The following PCNX1 variants were observed in gnomAD, a reference collection of about 807,000 sequenced individuals.
PCNX1 encodes pecanex 1.
Under a neutral mutation model 242.2 loss-of-function variants are expected in PCNX1, and 78 were observed. That is an observed-to-expected ratio of 0.32 (90% CI 0.27 to 0.39). The LOEUF is 0.39. PCNX1 is among the 10% of genes least tolerant of loss of function. The pLI is 1.00. For missense variants in PCNX1, 2,581 were observed against 2,856.5 expected, an observed-to-expected ratio of 0.90 and a Z score of 2.20; for synonymous variants, 1,024 against 1,032.9, an observed-to-expected ratio of 0.99 and a Z score of 0.17.
At position 71,036,121 on chromosome 14, in the gene PCNX1, T is replaced by C. The variant is rs1054335140; in HGVS notation, c.3831T>C (p.Phe1277=). The C allele has an allele frequency of 9.3e-6, 15 of 1,607,898 alleles. No individual in the cohort carries two copies. The change falls in exon 19 of 36, where the codon TTT becomes TTC. Residue 1277 remains phenylalanine, a synonymous_variant. Transcript: ENST00000304743. ...GCATTGTAATTGGTGTGCTGTATTTTGCTATTCATGTAAGCACAGTCTTCA... is the reference window on the plus strand; with the variant it reads ...GCATTGTAATTGGTGTGCTGTATTTCGCTATTCATGTAAGCACAGTCTTCA... ...VVCIVIGVLY[F]AIHVSTVFTV...
intron 26 of PCNX1, among the ~76,000 whole-genome samples, chr14:71,065,986 A>G (rs1233499754): frequency 4.1e-5 from 6 of 147,574 alleles, no homozygotes; most frequent in African/African-American, 1.5e-4. Context: ...TCTGTTTTGT[A>G]CAAGTACCAT....
intron 13 of PCNX1, among the ~76,000 whole-genome samples, chr14:71,023,522 C>T (rs988304772): frequency 1.3e-5 from 2 of 151,946 alleles, no homozygotes; most frequent in African/African-American, 4.8e-5. Flanking sequence ...CTTATAAACT[C>T]ATGATTATTT....
chr14:70,941,099 A>C (rs1361983242), intron 1 of PCNX1, among the ~76,000 whole-genome samples: 1 of 151,968 alleles, frequency 6.6e-6, no homozygotes. Flanking sequence ...GAAGTTTGTT[A>C]TTACTGATCT....
At chr14:70,955,240 G>A (rs1390118077) in intron 2 of PCNX1, among the ~76,000 whole-genome samples, 1 of 152,162 alleles carries the variant, frequency 6.6e-6, no homozygotes, top group African/African-American at 2.4e-5. Flanking sequence ...TGTTTCTCAT[G>A]GCAGTAATGC....
intron 33 of PCNX1, among the ~76,000 whole-genome samples, chr14:71,106,012 TTTA>T (rs1216115917): frequency 6.6e-6 from 1 of 151,284 alleles, no homozygotes; most frequent in African/African-American, 2.4e-5. Context: ...TTTTATTTTT[TTTA>T]TTATTTTTAA....
rs199923959 is a variant in PCNX1, at chr14:71,057,609, C to G, written c.4737C>G (p.Asn1579Lys). ...ATTTGCTACTAGGACGGTGGGGAAA[C>G]TACAGTACAGGGGACTGTTTCATCC... ...CGDLLLGRWG[N>K]YSTGDCFILA... is the part of the protein sequence containing the mutation. The change falls in exon 26 of 36, where the codon AAC (asparagine) becomes AAG (lysine). Residue 1579 changes from asparagine (N) to lysine (K), a missense_variant. Physicochemically the swap from Asn to Lys is moderately conservative, Grantham distance 94 (BLOSUM62 0). This residue lies in a region of PCNX1 where 54 missense variants were observed against 45.3 expected (regional missense o/e 1.19). Coordinates refer to ENST00000304743, the MANE Select transcript of PCNX1 (RefSeq NM_014982.3). 2 of 1,613,114 alleles carry G rather than the reference C, an allele frequency of 1.2e-6. No individual in the cohort carries two copies. Among genetic ancestry groups the G allele is most frequent in the Non-Finnish European group, 1.7e-6 (2 of 1,179,088 alleles).
intron 2 of PCNX1, among the ~76,000 whole-genome samples, chr14:70,947,689 G>A (rs903472292): frequency 1.3e-5 from 2 of 152,146 alleles, no homozygotes; most frequent in South Asian, 4.1e-4. Context: ...GAGCATGTGT[G>A]TTTGAGCAAT....
intron 28 of PCNX1, among the ~76,000 whole-genome samples, chr14:71,087,036 G>C (rs1288406744): frequency 6.6e-6 from 1 of 151,916 alleles, no homozygotes; most frequent in Non-Finnish European, 1.5e-5. Context: ...TTTTAGTCTA[G>C]AAAGTTGACA....
intron 16 of PCNX1, chr14:71,031,614 C>T (rs372704382): frequency 1.7e-6 from 1 of 590,476 alleles, no homozygotes; most frequent in South Asian, 1.7e-5. Flanking sequence ...ACTTAGGCAG[C>T]CCAGCTCTGC....
chr14:70,960,171 T>G (rs1346899821), intron 2 of PCNX1, among the ~76,000 whole-genome samples: 5 of 127,730 alleles, frequency 3.9e-5, no homozygotes, highest in Non-Finnish European at 6.8e-5. Context: ...TTTCTCCCAT[T>G]TTGTAGGTTG....
rs144964361 is a variant in PCNX1, at chr14:71,055,525, A to G, written c.4599A>G (p.Ser1533=). The G allele has an allele frequency of 1.3e-5, 21 of 1,606,286 alleles. No homozygotes were observed. The highest frequency in any genetic ancestry group is 1.6e-5 in the Non-Finnish European group (19 of 1,173,700). ...TTAGCACAAAACGAGTGGATCATTCAAATACCAGATTGGCTTCCCAGCTTG... is the reference window on the plus strand; with the variant it reads ...TTAGCACAAAACGAGTGGATCATTCGAATACCAGATTGGCTTCCCAGCTTG... The part of the protein sequence containing the change: ...RDYNTKRVDH[S]NTRLASQLDR... Residue 1533 remains serine, a synonymous_variant, in exon 25 of 36, where the codon TCA becomes TCG. Coordinates refer to ENST00000304743, the MANE Select transcript of PCNX1 (RefSeq NM_014982.3).
At chr14:71,091,520 A>G (rs1000475855) in intron 30 of PCNX1, among the ~76,000 whole-genome samples, 3 of 152,198 alleles carry the variant, frequency 2.0e-5, no homozygotes, top group African/African-American at 7.2e-5. Context: ...TTTTTTGGAA[A>G]TTTGCAACAA....
intron 5 of PCNX1, among the ~76,000 whole-genome samples, chr14:70,976,035 C>T (rs950271550): frequency 7.2e-5 from 11 of 151,856 alleles, no homozygotes; most frequent in African/African-American, 2.4e-4. Context: ...CATTGGTCAG[C>T]CTATTTTCGT....
At chr14:70,976,863 T>G (rs2058705410) in intron 5 of PCNX1, 79 bp from the exon 6 acceptor site, 2 of 1,227,992 alleles carry the variant, frequency 1.6e-6, no homozygotes, top group South Asian at 2.8e-5. Flanking sequence ...CTGTATGCAG[T>G]GAATTCTTTC....
intron 1 of PCNX1, among the ~76,000 whole-genome samples, chr14:70,932,595 TTTTA>T (rs1172448220): frequency 6.6e-5 from 10 of 151,650 alleles, no homozygotes; most frequent in East Asian, 5.8e-4. Context: ...ATTTATCTAA[TTTTA>T]TTTATTTATT....
chr14:70,962,201 C>G lies in PCNX1; in HGVS notation c.363-25C>G, dbSNP rs1057321430. The G allele has an allele frequency of 3.6e-6, 5 of 1,372,964 alleles. No homozygotes were observed. The African/African-American group carries it at 4.3e-5, about 12-fold the overall frequency. The allele number at this position is 1,372,964 out of a possible 1,614,324, so 85.0% of individuals were successfully genotyped here. A position where few individuals can be genotyped will look rare whatever the true frequency, so the allele number is the denominator to read the frequency against. On this transcript the variant is annotated intron_variant, in intron 2 of 35. Coordinates refer to ENST00000304743, the MANE Select transcript of PCNX1 (RefSeq NM_014982.3). ...TGGAGTCAGAATAATGACAGTTACT[C>G]TTTTTCTCATTTTTTTCTCCACAGT...
chr14:70,943,260 G>A (rs1453907766), intron 1 of PCNX1, among the ~76,000 whole-genome samples: 3 of 152,318 alleles, frequency 2.0e-5, no homozygotes, highest in Non-Finnish European at 2.9e-5. Flanking sequence ...GGAGGGCTCA[G>A]AAGAAGACAG....
In PCNX1 at chr14:71,113,317, G is replaced by C. The variant is rs1260765461; in HGVS notation, c.*3382G>C. On this transcript the variant is annotated 3_prime_UTR_variant, in exon 36 of 36. Coordinates refer to ENST00000304743, the MANE Select transcript of PCNX1 (RefSeq NM_014982.3). The stretch of plus-strand genomic sequence containing the variant: ...ACTTATAATTCTTAAAACAGAAGTA[G>C]TCAGACAATATTTGTATCCTAAGTG... 1.3e-5 allele frequency: 2 copies of C among 152,496 alleles called. No individual in the cohort carries two copies. Among genetic ancestry groups the C allele is most frequent in the Non-Finnish European group, 2.9e-5 (2 of 68,042 alleles). The allele number at this position is 152,496 out of a possible 1,614,324, so 9.4% of individuals were successfully genotyped here.
chr14:70,910,280 G>C (rs188855318), intron 1 of PCNX1, among the ~76,000 whole-genome samples: 1 of 121,274 alleles, frequency 8.2e-6, no homozygotes, highest in Non-Finnish European at 1.8e-5. Flanking sequence ...CATTCCCTTG[G>C]TTCGTCACCA....
Sources: gnomAD v4.1 joint callset for allele counts (sites outside exome capture counted in the v4.1 genomes callset) on GRCh38, gnomAD v4.1.1 for gene constraint, gnomAD v4.1.1 regional missense constraint, MANE v1.5 for transcripts, NCBI Gene and HGNC (gene_info 2026-07-23, HGNC 2026-07-21) for gene names.